Variants in ST6GALNAC4 observed in about 807,000 individuals in gnomAD.
ST6GALNAC4 encodes alpha-N-acetyl-neuraminyl-2,3-beta-galactosyl-1,3-N-acetyl-galactosaminide alpha-2,6-sialyltransferase.
Under a neutral mutation model 30.4 loss-of-function variants are expected in ST6GALNAC4, and 24 were observed. That is an observed-to-expected ratio of 0.79 (90% confidence interval 0.57 to 1.11). ST6GALNAC4 has a LOEUF of 1.11. Ranked by LOEUF, ST6GALNAC4 falls within the 50% of genes most tolerant of loss-of-function variation. ST6GALNAC4 has a pLI of 0.00. For missense variants in ST6GALNAC4, 365 were observed against 430.1 expected (o/e 0.85, Z 1.34); for synonymous variants, 156 against 179.7 (o/e 0.87, Z 1.05).
chr9:127,910,183 T>G, intron 4 of ST6GALNAC4, 125 bp from the exon 5 acceptor site: 27 of 1,383,428 alleles, frequency 2.0e-5, no homozygotes, highest in East Asian at 9.1e-5. Flanking sequence ...CGGGGGGCTC[T>G]GGGGGAGGCT....
At position 127,908,253 on chromosome 9, in the gene ST6GALNAC4, C is replaced by T. The variant is rs3818509; in HGVS notation, c.*139G>A. On this transcript the variant is annotated 3_prime_UTR_variant, in exon 6 of 6. Coordinates refer to ENST00000335791, the MANE Select transcript of ST6GALNAC4 (RefSeq NM_175039.4). Reference sequence around the variant, plus strand: ...GGCTCCAAGTGTCGCCAGAATGGGGCGGGAAGGAACCTTAGGTCCACCCAG... The same window carrying T: ...GGCTCCAAGTGTCGCCAGAATGGGGTGGGAAGGAACCTTAGGTCCACCCAG... The T allele has an allele frequency of 0.87, 662,790 of 759,658 alleles. 293,133 individuals carry two copies. The highest frequency in any genetic ancestry group is 0.91 in the Non-Finnish European group (488,799 of 534,226). The allele number at this position is 759,658 out of a possible 1,614,324, so 47.1% of individuals were successfully genotyped here.
Position 127,914,689 on chromosome 9 carries a change from G to C in ST6GALNAC4, c.165C>G (p.His55Gln), listed in dbSNP as rs779055171. Residue 55 changes from histidine (H) to glutamine (Q), a missense_variant, in exon 3 of 6, where the codon CAC becomes CAG. By Grantham distance (24) the His-to-Gln change is conservative. Coordinates refer to ENST00000335791, the MANE Select transcript of ST6GALNAC4 (RefSeq NM_175039.4). Reference protein sequence around the residue: ...GSRPTVPGPLHFSGYSSVPDG... With the variant: ...GSRPTVPGPLQFSGYSSVPDG... Reference sequence around the variant, plus strand: ...CTGGCACACTGCTATATCCACTGAAGTGCAGGGGTCCCGGCACAGTGGGCC... The same window carrying C: ...CTGGCACACTGCTATATCCACTGAACTGCAGGGGTCCCGGCACAGTGGGCC... 6 of 1,613,006 alleles carry C rather than the reference G, an allele frequency of 3.7e-6. No individual in the cohort carries two copies. The South Asian group carries it at 5.5e-5, about 15-fold the overall frequency.
In ST6GALNAC4 at chr9:127,914,852, C is replaced by A. The variant is rs2131625404; in HGVS notation, c.13-11G>T. 2 of 1,470,086 alleles carry A rather than the reference C, an allele frequency of 1.4e-6. No individual in the cohort carries two copies. The highest frequency in any genetic ancestry group is 2.4e-4 in the Middle Eastern group (1 of 4,192). 91.1% of individuals were successfully genotyped at this position (1,470,086 alleles called of 1,614,324 possible). ...GAGCACGAGCCGACCCTGAGGGAGACAGTGGCCATGGGGGGGTGTATGTGG... is the reference window on the plus strand; with the variant it reads ...GAGCACGAGCCGACCCTGAGGGAGAAAGTGGCCATGGGGGGGTGTATGTGG... On this transcript the variant is annotated splice_polypyrimidine_tract_variant and intron_variant, in intron 2 of 5. Coordinates refer to ENST00000335791, the MANE Select transcript of ST6GALNAC4 (RefSeq NM_175039.4).
At position 127,908,488 on chromosome 9, in the gene ST6GALNAC4, T is replaced by C. The variant is rs1479562953; in HGVS notation, c.813A>G (p.Arg271=). ...QMYLAHEQAP[R]SAHRFITEKA... is the part of the protein sequence containing the mutation. ...TCTCAGTGATGAAGCGGTGGGCGCT[T>C]CGGGGCGCCTGCTCGTGTGCCAGGT... The change falls in exon 6 of 6, where the codon CGA becomes CGG. Residue 271 remains arginine, a synonymous_variant. Transcript: ENST00000335791. 1 of 1,610,424 alleles carries C rather than the reference T, an allele frequency of 6.2e-7. No homozygotes were observed. The highest frequency in any genetic ancestry group is 1.3e-5 in the African/African-American group (1 of 74,946).
Position 127,908,327 on chromosome 9 carries a change from G to A in ST6GALNAC4, c.*65C>T. On this transcript the variant is annotated 3_prime_UTR_variant, in exon 6 of 6. Coordinates refer to ENST00000335791, the MANE Select transcript of ST6GALNAC4 (RefSeq NM_175039.4). ...TAAATTAAATGTTTTTGTGGAGTGT[G>A]ATGGCTTGGGATGGGACATCCCGGA... 1 of 1,427,662 alleles carries A rather than the reference G, an allele frequency of 7.0e-7. No homozygotes were observed. Among genetic ancestry groups the A allele is most frequent in the Non-Finnish European group, 9.4e-7 (1 of 1,068,106 alleles). 88.4% of individuals were successfully genotyped at this position (1,427,662 alleles called of 1,614,324 possible).
intron 4 of ST6GALNAC4, 36 bp from the exon 5 acceptor site, chr9:127,910,094 C>A: frequency 6.2e-7 from 1 of 1,606,780 alleles, no homozygotes; most frequent in Non-Finnish European, 8.5e-7. Flanking sequence ...ACGCTGTCAA[C>A]AAGAGGCCAT....
At chr9:127,914,054 TG>T (rs1449652630) in intron 3 of ST6GALNAC4, among the ~76,000 whole-genome samples, 6 of 151,942 alleles carry the variant, frequency 3.9e-5, no homozygotes, top group African/African-American at 1.5e-4. Context: ...CACTCCAGCC[TG>T]GGTGACAAAG....
intron 5 of ST6GALNAC4, 57 bp downstream of exon 5, chr9:127,909,894 C>G (rs1488936099): frequency 1.3e-6 from 2 of 1,549,554 alleles, no homozygotes; most frequent in African/African-American, 2.7e-5. Flanking sequence ...GGTTTAAGGC[C>G]TAGGAGGGCT....
chr9:127,908,706 G>T, intron 5 of ST6GALNAC4, 125 bp from the exon 6 acceptor site: 1 of 826,850 alleles, frequency 1.2e-6, no homozygotes, highest in South Asian at 3.0e-5. Flanking sequence ...CTGATCCCTG[G>T]GGAGGCCAAG....
intron 3 of ST6GALNAC4, 46 bp downstream of exon 3, chr9:127,914,610 C>T (rs140320826): frequency 6.6e-7 from 1 of 1,524,434 alleles, no homozygotes; most frequent in Non-Finnish European, 8.8e-7. Context: ...TTGGGACAAG[C>T]CCAGCTCTCA....
chr9:127,913,516 C>T (rs1239422083), intron 3 of ST6GALNAC4, among the ~76,000 whole-genome samples: 2 of 152,074 alleles, frequency 1.3e-5, no homozygotes, highest in Non-Finnish European at 2.9e-5. Flanking sequence ...ACCTGGGAGG[C>T]GGAGGTTGCA....
In ST6GALNAC4 at chr9:127,912,324, C is replaced by G. The variant is rs977504364; in HGVS notation, c.555G>C (p.Thr185=). ...GGTCGCAGTAGGCCATCATGCGCTC[C>G]GTGAAGGTGTACACCTGCAGGCCGG... The part of the protein sequence containing the change: ...MYPGLQVYTF[T]ERMMAYCDQI... The change falls in exon 4 of 6, where the codon ACG becomes ACC. Residue 185 remains threonine (T), a synonymous_variant. Transcript: ENST00000335791. 1.2e-6 allele frequency: 2 copies of G among 1,614,042 alleles called. No individual in the cohort carries two copies. The highest frequency in any genetic ancestry group is 2.2e-5 in the South Asian group (2 of 91,078).
chr9:127,911,912 C>A (rs1410782626), intron 4 of ST6GALNAC4, among the ~76,000 whole-genome samples: 1 of 152,230 alleles, frequency 6.6e-6, no homozygotes, highest in Non-Finnish European at 1.5e-5. Context: ...CGTGAGCCAC[C>A]GCACCCGGCC....
At chr9:127,913,593 A>C (rs1811991071) in intron 3 of ST6GALNAC4, among the ~76,000 whole-genome samples, 1 of 151,394 alleles carries the variant, frequency 6.6e-6, no homozygotes, top group African/African-American at 2.4e-5. Flanking sequence ...AAAATAAATA[A>C]ACAAATAAAA....
chr9:127,912,612 G>A lies in ST6GALNAC4; in HGVS notation c.267C>T (p.Gly89=). 1 of 1,606,756 alleles carries A rather than the reference G, an allele frequency of 6.2e-7. No individual in the cohort carries two copies. Among genetic ancestry groups the A allele is most frequent in the Non-Finnish European group, 8.5e-7 (1 of 1,178,962 alleles). ...VSSSGQMLGS[G]LGAEIDSAEC... Reference sequence around the variant, plus strand: ...CGGCACTGTCGATCTCAGCACCCAGGCCTGAGCCCAGCATTTGGCCGGAGC... The same window carrying A: ...CGGCACTGTCGATCTCAGCACCCAGACCTGAGCCCAGCATTTGGCCGGAGC... Residue 89 remains glycine (G), a synonymous_variant, in exon 4 of 6, where the codon GGC becomes GGT. Coordinates refer to ENST00000335791, the MANE Select transcript of ST6GALNAC4 (RefSeq NM_175039.4).
At chr9:127,908,998 G>A (rs976926426) in intron 5 of ST6GALNAC4, among the ~76,000 whole-genome samples, 25 of 152,180 alleles carry the variant, frequency 1.6e-4, no homozygotes, top group Non-Finnish European at 2.9e-4. Context: ...TCAGCATCAC[G>A]GGGGCCAGCC....
intron 3 of ST6GALNAC4, among the ~76,000 whole-genome samples, chr9:127,913,818 C>T: frequency 6.6e-6 from 1 of 151,972 alleles, no homozygotes; most frequent in East Asian, 1.9e-4. Flanking sequence ...AGGGCTAGGG[C>T]AGGCACATGG....
chr9:127,916,380 C>T, intron 2 of ST6GALNAC4, 28 bp downstream of exon 2: 2 of 1,614,116 alleles, frequency 1.2e-6, no homozygotes, highest in African/African-American at 1.3e-5. Flanking sequence ...CTCTGCGTTC[C>T]CTGGAAGTCC....
Position 127,916,823 on chromosome 9 carries a change from T to C in ST6GALNAC4, c.-76+3A>G. 3.7e-6 allele frequency: 1 copy of C among 270,444 alleles called. No individual in the cohort carries two copies. 16.8% of individuals were successfully genotyped at this position (270,444 alleles called of 1,614,324 possible). A position where few individuals can be genotyped will look rare whatever the true frequency, so the allele number is the denominator to read the frequency against. ...GCCCGGAATTCCACCCCATCCATCC[T>C]ACCTCTCTACCCGGGGGACGAATGG... On this transcript the variant is annotated splice_donor_region_variant and intron_variant, in intron 1 of 5. Transcript: ENST00000335791.
Sources: gnomAD v4.1 joint callset for allele counts (sites outside exome capture counted in the v4.1 genomes callset) on GRCh38, gnomAD v4.1.1 for gene constraint, MANE v1.5 for transcripts, NCBI Gene and HGNC (gene_info 2026-07-23, HGNC 2026-07-21) for gene names.